DIP2B: variants seen among roughly 807,000 people sequenced by gnomAD.
The protein encoded by DIP2B is disco-interacting protein 2 homolog B.
In DIP2B, 76 loss-of-function variants were observed where a neutral mutation model predicts 198.0. The ratio of observed to expected loss-of-function variants is 0.38; its 90% CI spans 0.32 to 0.46. DIP2B has a LOEUF of 0.46. Among genes scored for constraint, DIP2B ranks in the 20% least tolerant of loss-of-function variants. DIP2B has a pLI of 0.99. For synonymous variants in DIP2B, 701 were observed against 739.1 expected, an observed-to-expected ratio of 0.95 and a Z score of 0.84; for missense variants, 1,559 against 1,978.4, an observed-to-expected ratio of 0.79 and a Z score of 4.02.
chr12:50,561,555 T>C (rs1209448689), intron 1 of DIP2B, among the ~76,000 whole-genome samples: 1 of 152,208 alleles, frequency 6.6e-6, no homozygotes, highest in Admixed American at 6.5e-5. Context: ...CACCTTAATT[T>C]ATGGAAACGA....
intron 2 of DIP2B, among the ~76,000 whole-genome samples, chr12:50,631,589 C>T (rs1938055348): frequency 6.6e-6 from 1 of 152,132 alleles, no homozygotes; most frequent in Admixed American, 6.5e-5. Flanking sequence ...TGTGCCACCA[C>T]ACCCAGCTAA....
intron 8 of DIP2B, 61 bp downstream of exon 8, chr12:50,678,937 T>C: frequency 6.4e-7 from 1 of 1,572,398 alleles, no homozygotes; most frequent in Non-Finnish European, 8.7e-7. Context: ...TCATGGGTAG[T>C]GTTTTTATCT....
intron 4 of DIP2B, among the ~76,000 whole-genome samples, chr12:50,664,859 T>C (rs1461920098): frequency 5.3e-5 from 2 of 38,084 alleles, no homozygotes; most frequent in African/African-American, 1.7e-4. Flanking sequence ...TTTTTTTTTT[T>C]TTTTTTTTTT....
intron 22 of DIP2B, 86 bp downstream of exon 22, chr12:50,708,648 GC>G (rs1939558764): frequency 9.4e-7 from 1 of 1,059,702 alleles, no homozygotes; most frequent in Non-Finnish European, 1.4e-6. Flanking sequence ...AGCCAGTAAT[GC>G]CACCTTACTT....
chr12:50,590,015 T>C (rs1958805385), intron 1 of DIP2B, among the ~76,000 whole-genome samples: 1 of 152,042 alleles, frequency 6.6e-6, no homozygotes, highest in African/African-American at 2.4e-5. Flanking sequence ...TCTGTCTCTC[T>C]CTGAGATAGT....
At chr12:50,683,107 C>A in intron 9 of DIP2B, 31 bp from the exon 10 acceptor site, 1 of 1,538,408 alleles carries the variant, frequency 6.5e-7, no homozygotes, top group Non-Finnish European at 8.9e-7. Context: ...TTTTATTCCT[C>A]TGTTAAACTG....
At chr12:50,708,023 G>A (rs981974471) in intron 21 of DIP2B, among the ~76,000 whole-genome samples, 4 of 151,682 alleles carry the variant, frequency 2.6e-5, no homozygotes. Context: ...AGATCTTCGC[G>A]TGGCTCGCGT....
chr12:50,603,055 T>C (rs1428447034), intron 1 of DIP2B, among the ~76,000 whole-genome samples: 3 of 150,648 alleles, frequency 2.0e-5, no homozygotes, highest in African/African-American at 7.4e-5. Flanking sequence ...TCCCAGCTAC[T>C]CGGGAGGCTG....
chr12:50,544,585 C>T (rs1958358723), intron 1 of DIP2B, among the ~76,000 whole-genome samples: 1 of 151,582 alleles, frequency 6.6e-6, no homozygotes, highest in Admixed American at 6.6e-5. Flanking sequence ...GGATTACAGG[C>T]GTGAGCCACT....
chr12:50,539,633 A>AG (rs1214240271), intron 1 of DIP2B, among the ~76,000 whole-genome samples: 12 of 151,404 alleles, frequency 7.9e-5, no homozygotes, highest in Admixed American at 7.9e-4. Flanking sequence ...AAAAAAAAAA[A>AG]AGTATCCACA....
At chr12:50,515,007 A>G (rs1176717842) in intron 1 of DIP2B, among the ~76,000 whole-genome samples, 1 of 151,722 alleles carries the variant, frequency 6.6e-6, no homozygotes, top group East Asian at 2.0e-4. Flanking sequence ...GTGTTGCATG[A>G]GAATATGCTT....
At chr12:50,605,947 G>C (rs1958977721) in intron 1 of DIP2B, among the ~76,000 whole-genome samples, 1 of 152,114 alleles carries the variant, frequency 6.6e-6, no homozygotes, top group African/African-American at 2.4e-5. Context: ...TCAGCCTCCA[G>C]AGTAGCTGGG....
chr12:50,706,052 T>C lies in DIP2B; in HGVS notation c.2407-486T>C, dbSNP rs576527448. On this transcript the variant is annotated intron_variant, in intron 20 of 37. Coordinates refer to ENST00000301180, the MANE Select transcript of DIP2B (RefSeq NM_173602.3). ...CTACAGCATTCCTTAGACCTTTCTT[T>C]ATTAGCCTATTTCTAATACTGCCGG... Among the ~76,000 whole-genome samples the C allele has an allele frequency of 6.6e-5, 10 of 152,328 alleles. No individual in the cohort carries two copies. In the East Asian group the frequency reaches 1.9e-3, roughly 29 times the overall value.
At chr12:50,636,495 C>A (rs2139482365) in intron 2 of DIP2B, among the ~76,000 whole-genome samples, 1 of 152,294 alleles carries the variant, frequency 6.6e-6, no homozygotes, top group Non-Finnish European at 1.5e-5. Context: ...CCTCTTGGGG[C>A]TTCTTTTTCC....
chr12:50,721,243 T>C (rs1238970801), intron 25 of DIP2B, 30 bp from the exon 26 acceptor site: 1 of 1,608,592 alleles, frequency 6.2e-7, no homozygotes, highest in Non-Finnish European at 8.5e-7. Flanking sequence ...TTCTGAGCTT[T>C]GACCCGCTTA....
intron 1 of DIP2B, among the ~76,000 whole-genome samples, chr12:50,512,001 C>T (rs1188206642): frequency 2.7e-5 from 4 of 150,792 alleles, no homozygotes; most frequent in African/African-American, 9.7e-5. Flanking sequence ...ATGTTCAGCC[C>T]AGGCTGGTCT....
chr12:50,637,333 A>C (rs748468100), intron 2 of DIP2B, among the ~76,000 whole-genome samples: 1 of 152,190 alleles, frequency 6.6e-6, no homozygotes, highest in Non-Finnish European at 1.5e-5. Flanking sequence ...CCACTTTTCT[A>C]GTCCAGTCTC....
chr12:50,579,718 T>A (rs11169500), intron 1 of DIP2B, among the ~76,000 whole-genome samples: 5 of 87,860 alleles, frequency 5.7e-5, no homozygotes, highest in East Asian at 3.7e-4. Context: ...TATATATATA[T>A]ACATAGCTTC....
chr12:50,682,370 A>T (rs569633152), intron 9 of DIP2B, among the ~76,000 whole-genome samples: 1 of 152,322 alleles, frequency 6.6e-6, no homozygotes, highest in South Asian at 2.1e-4. Flanking sequence ...TCACGCCTGC[A>T]ATCCCAGCAC....
Sources: allele counts gnomAD v4.1 joint callset (sites outside exome capture counted in the v4.1 genomes callset), GRCh38; gene constraint gnomAD v4.1.1; transcripts MANE v1.5; gene names NCBI Gene and HGNC (gene_info 2026-07-23, HGNC 2026-07-21).